CNTNAP5: variants seen among roughly 807,000 people sequenced by gnomAD.
The protein encoded by CNTNAP5 is contactin-associated protein-like 5.
A neutral mutation model predicts 150.2 loss-of-function variants in CNTNAP5; 72 were observed. The ratio of observed to expected loss-of-function variants is 0.48; its 90% CI spans 0.40 to 0.58. CNTNAP5 has a LOEUF of 0.58. CNTNAP5 is among the 20% of genes least tolerant of loss of function. The pLI is 0.00. For missense variants in CNTNAP5, 1,636 were observed against 1,626.2 expected, an observed-to-expected ratio of 1.01 and a Z score of -0.10; for synonymous variants, 672 against 619.8, an observed-to-expected ratio of 1.08 and a Z score of -1.25.
chr2:124,519,181 G>A (rs1427987584), intron 8 of CNTNAP5, among the ~76,000 whole-genome samples: 1 of 151,930 alleles, frequency 6.6e-6, no homozygotes, highest in African/African-American at 2.4e-5. Flanking sequence ...GGCCAGGGCT[G>A]GAGGTGCAGG....
At chr2:124,580,786 A>G (rs1020658673) in intron 11 of CNTNAP5, among the ~76,000 whole-genome samples, 1 of 152,176 alleles carries the variant, frequency 6.6e-6, no homozygotes, top group African/African-American at 2.4e-5. Context: ...GAGAGGACAA[A>G]ACCTATGCAT....
chr2:124,751,020 T>C (rs1680715673), intron 14 of CNTNAP5, among the ~76,000 whole-genome samples: 1 of 146,628 alleles, frequency 6.8e-6, no homozygotes, highest in South Asian at 2.2e-4. Flanking sequence ...TGGCAAAAAC[T>C]GCCATGAGTT....
At chr2:124,675,552 G>T (rs1678922403) in intron 13 of CNTNAP5, among the ~76,000 whole-genome samples, 2 of 151,878 alleles carry the variant, frequency 1.3e-5, no homozygotes, top group Admixed American at 1.3e-4. Flanking sequence ...ATTACAATTG[G>T]CACCTTATTT....
chr2:124,530,438 G>A (rs112082982), intron 10 of CNTNAP5, among the ~76,000 whole-genome samples: 1 of 152,208 alleles, frequency 6.6e-6, no homozygotes, highest in East Asian at 1.9e-4. Context: ...TTGAGGTGGT[G>A]CCTAAGACCC....
intron 1 of CNTNAP5, among the ~76,000 whole-genome samples, chr2:124,039,726 C>T (rs1036569192): frequency 6.6e-6 from 1 of 152,052 alleles, no homozygotes; most frequent in African/African-American, 2.4e-5. Flanking sequence ...TCTCCTCCCC[C>T]CAGTGAATCC....
chr2:124,220,746 T>C (rs1483081521), intron 1 of CNTNAP5, among the ~76,000 whole-genome samples: 1 of 152,090 alleles, frequency 6.6e-6, no homozygotes, highest in African/African-American at 2.4e-5. Context: ...TCCTGAAAGC[T>C]TTTTTATTAA....
intron 19 of CNTNAP5, among the ~76,000 whole-genome samples, chr2:124,844,786 A>G (rs1683014345): frequency 6.6e-6 from 1 of 152,002 alleles, no homozygotes; most frequent in Non-Finnish European, 1.5e-5. Flanking sequence ...GGTCTACAGC[A>G]GAGTAGCAGA....
rs745377741 is a variant in CNTNAP5, at chr2:124,747,391, G to A, written c.2234+6G>A. ...GACGCTGACAAGGATGAATGGTAAT[G>A]AGAATCTCCATCTTTCTGCAATTGT... On this transcript the variant is annotated splice_donor_region_variant and intron_variant, in intron 14 of 23. Transcript: ENST00000682447. 3 of 1,613,598 alleles carry A rather than the reference G, an allele frequency of 1.9e-6. No homozygotes were observed. Among genetic ancestry groups the A allele is most frequent in the Admixed American group, 3.3e-5 (2 of 60,010 alleles).
At chr2:124,422,920 G>C (rs1204841189) in intron 4 of CNTNAP5, among the ~76,000 whole-genome samples, 2 of 152,144 alleles carry the variant, frequency 1.3e-5, no homozygotes, top group African/African-American at 2.4e-5. Context: ...GTTGGTTCTA[G>C]GCAAGCGTGA....
intron 13 of CNTNAP5, among the ~76,000 whole-genome samples, chr2:124,656,089 G>T (rs66798759): frequency 0.28 from 41,272 of 146,094 alleles, 7,133 homozygotes; most frequent in Non-Finnish European, 0.38. Flanking sequence ...AAAAGTCACT[G>T]CCACTAGCCC....
intron 13 of CNTNAP5, among the ~76,000 whole-genome samples, chr2:124,699,742 C>A (rs1044066309): frequency 5.3e-5 from 8 of 152,160 alleles, no homozygotes. Context: ...CAGGCTCTCC[C>A]ACAATTCTCA....
chr2:124,652,545 A>T (rs1678344966), intron 13 of CNTNAP5, among the ~76,000 whole-genome samples: 1 of 152,228 alleles, frequency 6.6e-6, no homozygotes, highest in African/African-American at 2.4e-5. Context: ...CAGAAAAATA[A>T]ATATCAAAGC....
At chr2:124,215,149 T>C (rs900054253) in intron 1 of CNTNAP5, among the ~76,000 whole-genome samples, 3 of 152,178 alleles carry the variant, frequency 2.0e-5, no homozygotes, top group African/African-American at 7.2e-5. Context: ...TTTATATCTT[T>C]TAGACAAAGT....
intron 1 of CNTNAP5, among the ~76,000 whole-genome samples, chr2:124,145,836 A>AAAAAAAAAAAAAAAAAG (rs1684235848): frequency 1.3e-5 from 1 of 75,802 alleles, no homozygotes; most frequent in African/African-American, 4.8e-5. Flanking sequence ...AAAGAAGAAA[A>AAAAAAAAAAAAAAAAAG]AAAAAAAAAA....
intron 3 of CNTNAP5, among the ~76,000 whole-genome samples, chr2:124,349,494 T>C (rs1169738259): frequency 1.3e-5 from 2 of 152,202 alleles, no homozygotes; most frequent in Non-Finnish European, 2.9e-5. Context: ...TGTGAACTGA[T>C]GTTCACATCC....
chr2:124,350,458 T>G (rs1051000787), intron 3 of CNTNAP5, among the ~76,000 whole-genome samples: 1 of 151,794 alleles, frequency 6.6e-6, no homozygotes, highest in South Asian at 2.1e-4. Context: ...GGCTTGTTTT[T>G]TTTTTTTAAT....
At chr2:124,059,638 T>C (rs542068236) in intron 1 of CNTNAP5, among the ~76,000 whole-genome samples, 4 of 152,206 alleles carry the variant, frequency 2.6e-5, no homozygotes, top group African/African-American at 9.6e-5. Flanking sequence ...TTTTCTAGCA[T>C]GGTAGCTAGT....
intron 3 of CNTNAP5, among the ~76,000 whole-genome samples, chr2:124,301,820 C>T (rs992296791): frequency 6.6e-6 from 1 of 152,152 alleles, no homozygotes; most frequent in Non-Finnish European, 1.5e-5. Context: ...GGACACTCAC[C>T]ACAGGTGACT....
At chr2:124,820,538 G>A (rs189293797) in intron 19 of CNTNAP5, among the ~76,000 whole-genome samples, 5 of 150,322 alleles carry the variant, frequency 3.3e-5, no homozygotes, top group Non-Finnish European at 7.4e-5. Context: ...CAAAGGAAAG[G>A]GGGGGGAGAA....
Sources: gnomAD v4.1 joint callset for allele counts (sites outside exome capture counted in the v4.1 genomes callset) on GRCh38, gnomAD v4.1.1 for gene constraint, MANE v1.5 for transcripts, NCBI Gene and HGNC (gene_info 2026-07-23, HGNC 2026-07-21) for gene names.